The following IQSEC1 variants were observed in gnomAD, a reference collection of about 807,000 sequenced individuals.
IQSEC1 encodes the protein IQ motif and SEC7 domain-containing protein 1.
IQSEC1 carries 31 observed loss-of-function variants against 91.0 expected under a neutral mutation model. The observed-to-expected ratio is 0.34, with a 90% CI of 0.26 to 0.46. IQSEC1 has a LOEUF of 0.46. Ranked by LOEUF, IQSEC1 falls within the 20% of genes least tolerant of loss-of-function variation. The pLI is 1.00. For missense variants in IQSEC1, 1,388 were observed against 1,575.6 expected, an observed-to-expected ratio of 0.88 and a Z score of 2.02; for synonymous variants, 699 against 662.6, an observed-to-expected ratio of 1.05 and a Z score of -0.84.
intron 13 of IQSEC1, 101 bp downstream of exon 13, chr3:12,902,672 A>AAAAAAAAAAAAAAAAAAAAAAAAAAAAC: frequency 2.5e-6 from 1 of 396,572 alleles, no homozygotes; most frequent in Non-Finnish European, 4.4e-6. Flanking sequence ...AAAAAAACCA[A>AAAAAAAAAAAAAAAAAAAAAAAAAAAAC]AAAAAAAAAA....
At chr3:13,151,380 C>G (rs372610933) in intron 2 of IQSEC1, among the ~76,000 whole-genome samples, 2 of 152,178 alleles carry the variant, frequency 1.3e-5, no homozygotes, top group African/African-American at 4.8e-5. Flanking sequence ...ATTCATCATT[C>G]AGGGACCAGC....
intron 1 of IQSEC1, among the ~76,000 whole-genome samples, chr3:13,230,611 T>G (rs1694825332): frequency 6.6e-6 from 1 of 152,260 alleles, no homozygotes; most frequent in South Asian, 2.1e-4. Context: ...TCTTCAGGGT[T>G]GTACTGAAGC....
intron 1 of IQSEC1, among the ~76,000 whole-genome samples, chr3:13,279,624 C>T (rs571598699): frequency 3.3e-5 from 5 of 152,312 alleles, no homozygotes; most frequent in African/African-American, 9.6e-5. Flanking sequence ...CAACCCCCCT[C>T]GAGTCACTGC....
At chr3:13,185,186 C>T (rs1441263052) in intron 1 of IQSEC1, among the ~76,000 whole-genome samples, 2 of 152,160 alleles carry the variant, frequency 1.3e-5, no homozygotes, top group African/African-American at 2.4e-5. Flanking sequence ...TGCGGCCTGA[C>T]CTTACGCAAG....
At chr3:13,240,160 CTTGAGGCCAGGAGT>C (rs1299723994) in intron 1 of IQSEC1, among the ~76,000 whole-genome samples, 1 of 152,020 alleles carries the variant, frequency 6.6e-6, no homozygotes, top group East Asian at 1.9e-4. Context: ...GGGAGGATCA[CTTGAGGCCAGGAGT>C]TTAAGACCAG....
Position 12,899,075 on chromosome 3 carries a change from A to AT in IQSEC1, c.*1907dup, listed in dbSNP as rs1169361812. Reference sequence around the variant, plus strand: ...CATTTTTAAAAAGGCTAAACTCTAGATTGCTGTATTTGCTCTCTCTGGAGA... The same window carrying AT: ...CATTTTTAAAAAGGCTAAACTCTAGATTTGCTGTATTTGCTCTCTCTGGAGA... On this transcript the variant is annotated 3_prime_UTR_variant, in exon 14 of 14. Coordinates refer to ENST00000613206, the MANE Select transcript of IQSEC1 (RefSeq NM_001134382.3). 1 of 415,676 alleles carries AT rather than the reference A, an allele frequency of 2.4e-6. No individual in the cohort carries two copies. The highest frequency in any genetic ancestry group is 4.4e-6 in the Non-Finnish European group (1 of 227,384). The allele number at this position is 415,676 out of a possible 1,614,324, so 25.7% of individuals were successfully genotyped here.
intron 1 of IQSEC1, among the ~76,000 whole-genome samples, chr3:13,257,404 T>C (rs1695309387): frequency 1.3e-5 from 2 of 152,142 alleles, no homozygotes; most frequent in South Asian, 4.1e-4. Flanking sequence ...ACGCTGTGGG[T>C]CCCACATTTG....
At position 12,900,461 on chromosome 3, in the gene IQSEC1, A is replaced by ATATGTATT; in HGVS notation, c.*521_*522insAATACATA. ...AGTACTACCTATACAGTATATATAT[A>ATATGTATT]TATATATTTATATATTTATATATTT... On this transcript the variant is annotated 3_prime_UTR_variant, in exon 14 of 14. Transcript: ENST00000613206. 1.4e-6 allele frequency: 1 copy of ATATGTATT among 707,128 alleles called. No individual in the cohort carries two copies. Among genetic ancestry groups the ATATGTATT allele is most frequent in the African/African-American group, 2.0e-5 (1 of 51,202 alleles). The allele number at this position is 707,128 out of a possible 1,614,324, so 43.8% of individuals were successfully genotyped here. A position where few individuals can be genotyped will look rare whatever the true frequency, so the allele number is the denominator to read the frequency against.
intron 4 of IQSEC1, among the ~76,000 whole-genome samples, chr3:12,923,807 C>T (rs987951382): frequency 6.6e-6 from 1 of 152,258 alleles, no homozygotes; most frequent in Non-Finnish European, 1.5e-5. Context: ...CTCGGCTGCA[C>T]ATGGGCAGGG....
chr3:13,198,776 C>T (rs1334932589), intron 1 of IQSEC1, among the ~76,000 whole-genome samples: 1 of 152,242 alleles, frequency 6.6e-6, no homozygotes, highest in East Asian at 1.9e-4. Flanking sequence ...AAGCACCCAA[C>T]ACAGCAAGGC....
intron 1 of IQSEC1, among the ~76,000 whole-genome samples, chr3:13,247,566 G>A (rs977569284): frequency 4.6e-5 from 7 of 152,202 alleles, no homozygotes; most frequent in Non-Finnish European, 8.8e-5. Flanking sequence ...CTTCAGCCTG[G>A]AGCTGAAGCA....
intron 2 of IQSEC1, among the ~76,000 whole-genome samples, chr3:13,149,423 C>T (rs1239172597): frequency 3.6e-5 from 1 of 27,962 alleles, no homozygotes; most frequent in Non-Finnish European, 7.0e-5. Flanking sequence ...TCGTGGGGGC[C>T]GGGGTGGGGG....
At chr3:12,905,818 G>A (rs1413886461) in intron 12 of IQSEC1, among the ~76,000 whole-genome samples, 1 of 152,250 alleles carries the variant, frequency 6.6e-6, no homozygotes, top group Non-Finnish European at 1.5e-5. Context: ...GGCCAGGGAG[G>A]GGCAGGAGGG....
chr3:13,052,089 A>G (rs1398985311), intron 1 of IQSEC1, among the ~76,000 whole-genome samples: 2 of 152,156 alleles, frequency 1.3e-5, no homozygotes, highest in Non-Finnish European at 2.9e-5. Context: ...CCAGTTACAC[A>G]TGCCTGTGTG....
In IQSEC1 at chr3:12,936,119, C is replaced by A; in HGVS notation, c.897G>T (p.Ser299=). ...CTGCCTGCGAGAGGGGCAGAGGGGG[C>A]GACAGCTCCTCCTCATCGATGTACA... ...VTLYIDEEEL[S]PPLPLSQAGD... Residue 299 remains serine (S), a synonymous_variant, in exon 3 of 14, where the codon TCG becomes TCT. Coordinates refer to ENST00000613206, the MANE Select transcript of IQSEC1 (RefSeq NM_001134382.3). 1.2e-6 allele frequency: 2 copies of A among 1,611,714 alleles called. No individual in the cohort carries two copies. Among genetic ancestry groups the A allele is most frequent in the Non-Finnish European group, 1.7e-6 (2 of 1,179,800 alleles).
At chr3:12,902,658 C>CAAAAAAAACCCAAAAAAAAAAAAAAA (rs1694460319) in intron 13 of IQSEC1, 115 bp downstream of exon 13, 1 of 264,630 alleles carries the variant, frequency 3.8e-6, no homozygotes, top group South Asian at 2.9e-5. Flanking sequence ...AAAAAAACAA[C>CAAAAAAAACCCAAAAAAAAAAAAAAA]AAAAAAAAAA....
At chr3:12,942,825 C>G (rs1575996422) in intron 1 of IQSEC1, among the ~76,000 whole-genome samples, 1 of 152,280 alleles carries the variant, frequency 6.6e-6, no homozygotes, top group East Asian at 1.9e-4. Context: ...TCTTTGTAGG[C>G]AGAGATGAGG....
intron 1 of IQSEC1, among the ~76,000 whole-genome samples, chr3:13,221,158 G>C (rs538480984): frequency 6.6e-6 from 1 of 152,238 alleles, no homozygotes; most frequent in South Asian, 2.1e-4. Flanking sequence ...GGTGAGGGGA[G>C]GGAAGTGGTT....
intron 1 of IQSEC1, among the ~76,000 whole-genome samples, chr3:13,006,453 G>A (rs1301081275): frequency 2.0e-5 from 3 of 152,214 alleles, no homozygotes; most frequent in Non-Finnish European, 1.5e-5. Flanking sequence ...ATTGTGGTGG[G>A]GGCACATGGA....
Sources: allele counts gnomAD v4.1 joint callset (sites outside exome capture counted in the v4.1 genomes callset), GRCh38; gene constraint gnomAD v4.1.1; transcripts MANE v1.5; gene names NCBI Gene and HGNC (gene_info 2026-07-23, HGNC 2026-07-21).